Variants in AOPEP observed in about 807,000 individuals in gnomAD.
AOPEP encodes aminopeptidase O (putative).
A neutral mutation model predicts 98.1 loss-of-function variants in AOPEP; 77 were observed. The ratio of observed to expected loss-of-function variants is 0.78; its 90% CI spans 0.65 to 0.95. The LOEUF is 0.95. Ranked by LOEUF, AOPEP falls within the 40% of genes least tolerant of loss-of-function variation. The pLI is 0.00. For synonymous variants in AOPEP, 346 were observed against 365.3 expected (o/e 0.95, Z 0.60); for missense variants, 1,024 against 1,024.7 (o/e 1.00, Z 0.01).
At chr9:94,994,169 T>C (rs1055372882) in intron 11 of AOPEP, among the ~76,000 whole-genome samples, 1 of 152,220 alleles carries the variant, frequency 6.6e-6, no homozygotes, top group Non-Finnish European at 1.5e-5. Flanking sequence ...CCTCCTCAAA[T>C]TGTATTTCCT....
chr9:95,124,594 A>C, the AOPEP span, among the ~76,000 whole-genome samples: 1 of 152,076 alleles, frequency 6.6e-6, no homozygotes, highest in Admixed American at 6.5e-5. Context: ...AGTCACTCTT[A>C]CCACCTCCTT....
chr9:94,792,253 C>T (rs751442780), intron 3 of AOPEP, among the ~76,000 whole-genome samples: 1 of 152,168 alleles, frequency 6.6e-6, no homozygotes, highest in African/African-American at 2.4e-5. Flanking sequence ...GGATGAAAAC[C>T]CAAGTGTCTC....
At chr9:94,963,671 G>T (rs1259575225) in intron 9 of AOPEP, among the ~76,000 whole-genome samples, 1 of 152,008 alleles carries the variant, frequency 6.6e-6, no homozygotes, top group Non-Finnish European at 1.5e-5. Flanking sequence ...GACAAGCTGG[G>T]GCCCCTACTA....
At chr9:95,116,600 G>C in the AOPEP span, among the ~76,000 whole-genome samples, 1 of 152,300 alleles carries the variant, frequency 6.6e-6, no homozygotes, top group African/African-American at 2.4e-5. Context: ...CCCCTTTCTG[G>C]CTGGCGCAGT....
intron 5 of AOPEP, among the ~76,000 whole-genome samples, chr9:94,822,057 GAC>G (rs1346686399): frequency 6.6e-6 from 1 of 151,478 alleles, no homozygotes; most frequent in Non-Finnish European, 1.5e-5. Context: ...GTGTGCTATA[GAC>G]ACACAGAAAT....
chr9:95,035,486 C>G (rs970343284), intron 13 of AOPEP, among the ~76,000 whole-genome samples: 2 of 138,756 alleles, frequency 1.4e-5, no homozygotes, highest in Non-Finnish European at 3.1e-5. Context: ...AAATAAATCT[C>G]TTTGACACCA....
At chr9:95,089,881 A>T (rs78969593), downstream of AOPEP, among the ~76,000 whole-genome samples, 13 of 152,374 alleles carry the variant, frequency 8.5e-5, 1 homozygote, top group East Asian at 1.5e-3. Flanking sequence ...AACTGACAGG[A>T]ACAACCTTCT....
At chr9:94,769,635 G>C (rs1227548853) in intron 2 of AOPEP, among the ~76,000 whole-genome samples, 1 of 152,150 alleles carries the variant, frequency 6.6e-6, no homozygotes, top group East Asian at 1.9e-4. Flanking sequence ...TTATAGCTCT[G>C]GATACCAAGT....
intron 5 of AOPEP, among the ~76,000 whole-genome samples, chr9:94,888,529 A>G (rs923546316): frequency 7.2e-5 from 11 of 152,192 alleles, no homozygotes; most frequent in African/African-American, 1.9e-4. Flanking sequence ...AGTCTTGTCA[A>G]TGTATCAAGA....
At chr9:95,143,019 G>A in the AOPEP span, among the ~76,000 whole-genome samples, 2 of 152,208 alleles carry the variant, frequency 1.3e-5, no homozygotes, top group African/African-American at 4.8e-5. Context: ...GCCAATCACA[G>A]GTCTAGGCCT....
chr9:94,810,708 G>A (rs1339032122), intron 5 of AOPEP, among the ~76,000 whole-genome samples: 4 of 152,162 alleles, frequency 2.6e-5, no homozygotes, highest in Non-Finnish European at 5.9e-5. Flanking sequence ...TGATGTAAGA[G>A]CTAGTTAGAT....
chr9:94,755,965 G>C (rs1025868035), intron 1 of AOPEP, among the ~76,000 whole-genome samples: 4 of 152,136 alleles, frequency 2.6e-5, no homozygotes, highest in Non-Finnish European at 4.4e-5. Flanking sequence ...TGTTTTTAAA[G>C]ATGGCAACCC....
intron 3 of AOPEP, among the ~76,000 whole-genome samples, chr9:94,785,822 T>C (rs1247896569): frequency 6.6e-6 from 1 of 152,240 alleles, no homozygotes; most frequent in Non-Finnish European, 1.5e-5. Flanking sequence ...GCATTCACTG[T>C]CTGTTTCATC....
At chr9:95,103,103 C>T in the AOPEP span, among the ~76,000 whole-genome samples, 1 of 152,082 alleles carries the variant, frequency 6.6e-6, no homozygotes, top group Non-Finnish European at 1.5e-5. Flanking sequence ...TGCTGTGGAC[C>T]CCTTTCAGTT....
the AOPEP span, among the ~76,000 whole-genome samples, chr9:95,106,587 A>G: frequency 6.6e-6 from 1 of 152,130 alleles, no homozygotes; most frequent in East Asian, 1.9e-4. Context: ...ACCGTTTTTT[A>G]CCCCTCAAGT....
At chr9:95,025,689 G>C (rs529033333) in intron 13 of AOPEP, among the ~76,000 whole-genome samples, 2 of 152,312 alleles carry the variant, frequency 1.3e-5, no homozygotes, top group Admixed American at 6.5e-5. Flanking sequence ...AAGTTTGGGA[G>C]GTAAGTGACT....
intron 14 of AOPEP, among the ~76,000 whole-genome samples, chr9:95,071,173 T>C (rs2068463342): frequency 6.6e-6 from 1 of 152,148 alleles, no homozygotes; most frequent in Non-Finnish European, 1.5e-5. Context: ...CAGATTTTTT[T>C]CAGTTATTAG....
the AOPEP span, chr9:95,125,251 C>G: frequency 1.5e-6 from 2 of 1,298,674 alleles, no homozygotes; most frequent in South Asian, 2.4e-5. Flanking sequence ...AAAACCTGCA[C>G]TGTATAAGGG....
At chr9:94,942,904 CAAAAAAA>C (rs35186299) in intron 7 of AOPEP, among the ~76,000 whole-genome samples, 40 of 82,806 alleles carry the variant, frequency 4.8e-4, no homozygotes, top group Middle Eastern at 0.014. Context: ...GAGTCTGTCT[CAAAAAAA>C]AAAAAAAAAA....
Sources: gnomAD v4.1 joint callset for allele counts (sites outside exome capture counted in the v4.1 genomes callset) on GRCh38, gnomAD v4.1.1 for gene constraint, MANE v1.5 for transcripts, NCBI Gene and HGNC (gene_info 2026-07-23, HGNC 2026-07-21) for gene names.